The following RELN variants were observed in gnomAD, a reference collection of about 807,000 sequenced individuals.
The protein encoded by RELN is reelin.
A neutral mutation model predicts 427.6 loss-of-function variants in RELN; 108 were observed. The ratio of observed to expected loss-of-function variants is 0.25; its 90% CI spans 0.22 to 0.30. The LOEUF (loss-of-function observed/expected upper bound fraction) is 0.30, where lower values mean the gene tolerates loss of function less well. RELN is among the 10% of genes least tolerant of loss of function. The probability of loss-of-function intolerance (pLI) is 1.00; values close to 1 mark genes in which losing one functional copy is unlikely to be tolerated. For missense variants in RELN, 3,715 were observed against 4,302.8 expected (o/e 0.86, Z 3.82); for synonymous variants, 1,524 against 1,513.4 (o/e 1.01, Z -0.16).
At chr7:103,782,317 G>A (rs3819489) in intron 3 of RELN, among the ~76,000 whole-genome samples, 27,122 of 152,056 alleles carry the variant, frequency 0.18, 2,543 homozygotes, top group East Asian at 0.31. Context: ...CTGCGGCACA[G>A]GGCTGAGGTA....
At chr7:103,596,404 A>G (rs1234049540) in intron 25 of RELN, 52 bp downstream of exon 25, 16 of 1,470,170 alleles carry the variant, frequency 1.1e-5, no homozygotes, top group Non-Finnish European at 1.5e-5. Flanking sequence ...ACAATGATTT[A>G]ACCTTTACCA....
chr7:103,846,272 T>A (rs112588752), intron 2 of RELN, among the ~76,000 whole-genome samples: 21,393 of 152,058 alleles, frequency 0.14, 1,705 homozygotes, highest in East Asian at 0.29. Context: ...TCAGAAATAA[T>A]GCCACACATC....
chr7:103,726,148 T>C (rs895233799), intron 7 of RELN, among the ~76,000 whole-genome samples: 3 of 152,230 alleles, frequency 2.0e-5, no homozygotes, highest in Non-Finnish European at 4.4e-5. Context: ...ATATTGAATA[T>C]AATGTTAACT....
rs1796363940 is a variant in RELN, at chr7:103,953,006, C to T, written c.227-35821G>A. 6.6e-6 allele frequency among the ~76,000 whole-genome samples: 1 copy of T among 152,164 alleles called. No homozygotes were observed. The highest frequency in any genetic ancestry group is 1.5e-5 in the Non-Finnish European group (1 of 68,040). ...TAGATGCTATACTCCTCTATAATCT[C>T]ATAGCCACTACTGCATTCACCTCCC... is the stretch of plus-strand genomic sequence containing the variant. On this transcript the variant is annotated intron_variant, in intron 1 of 64. Coordinates refer to ENST00000428762, the MANE Select transcript of RELN (RefSeq NM_005045.4). The surrounding 1 kb of genome is among the most constrained non-coding windows in gnomAD (Gnocchi z 4.3).
chr7:103,667,308 G>A (rs537028034), intron 11 of RELN, among the ~76,000 whole-genome samples: 58 of 152,256 alleles, frequency 3.8e-4, no homozygotes, highest in Middle Eastern at 3.4e-3. Flanking sequence ...ATTAAAGGAC[G>A]ATGTCATCTT....
At chr7:103,973,760 A>C (rs538934652) in intron 1 of RELN, among the ~76,000 whole-genome samples, 138 of 152,330 alleles carry the variant, frequency 9.1e-4, no homozygotes, top group African/African-American at 3.1e-3. Flanking sequence ...TAAGATTAAA[A>C]AGATCATAAT....
intron 52 of RELN, among the ~76,000 whole-genome samples, chr7:103,502,709 G>A (rs1381212153): frequency 6.6e-6 from 1 of 152,168 alleles, no homozygotes; most frequent in African/African-American, 2.4e-5. Context: ...TGAGAAGGTA[G>A]GGTACACCTT....
intron 11 of RELN, among the ~76,000 whole-genome samples, chr7:103,675,192 C>G (rs1445903184): frequency 6.6e-6 from 1 of 152,324 alleles, no homozygotes; most frequent in South Asian, 2.1e-4. Context: ...AGCAAAGACT[C>G]AGCATACAAA....
chr7:103,871,442 A>C (rs1794331463), intron 2 of RELN, among the ~76,000 whole-genome samples: 1 of 152,112 alleles, frequency 6.6e-6, no homozygotes, highest in Non-Finnish European at 1.5e-5. Context: ...CATGTAGATC[A>C]CAAAATCTTT....
At position 103,906,298 on chromosome 7, in the gene RELN, C is replaced by A. The variant is rs187877948; in HGVS notation, c.337+10777G>T. On this transcript the variant is annotated intron_variant, in intron 2 of 64. Coordinates refer to ENST00000428762, the MANE Select transcript of RELN (RefSeq NM_005045.4). ...CTCCCTAAGCAAGCATAACCTCCCGCAAGTTACTTATGCTCTTTTTGCCTT... is the reference window on the plus strand; with the variant it reads ...CTCCCTAAGCAAGCATAACCTCCCGAAAGTTACTTATGCTCTTTTTGCCTT... 6.5e-4 allele frequency among the ~76,000 whole-genome samples: 99 copies of A among 152,242 alleles called. 2 individuals are homozygous for A. The East Asian group carries it at 9.8e-3, about 15-fold the overall frequency.
At chr7:103,972,263 A>G (rs1041041491) in intron 1 of RELN, among the ~76,000 whole-genome samples, 1 of 152,188 alleles carries the variant, frequency 6.6e-6, no homozygotes, top group East Asian at 1.9e-4. Context: ...TGAGTGAGAA[A>G]AGCTGACTGT....
chr7:103,601,426 C>A (rs1243579031), intron 24 of RELN, among the ~76,000 whole-genome samples: 8 of 152,292 alleles, frequency 5.3e-5, no homozygotes, highest in Non-Finnish European at 1.2e-4. Context: ...TGCATTAAAA[C>A]AAAACCTGCA....
Position 103,728,183 on chromosome 7 carries a change from A to G in RELN, c.681T>C (p.Thr227=), listed in dbSNP as rs781154657. The change falls in exon 7 of 65, where the codon ACT becomes ACC. Residue 227 remains threonine, a synonymous_variant. Transcript: ENST00000428762. ...GCATAATCGCGCCACACTGTTCTCC[A>G]GTCTCACAGTTGTTACATTCAACCC... is the stretch of plus-strand genomic sequence containing the variant. ...NIWVECNNCE[T]GEQCGAIMHG... 2 of 1,613,850 alleles carry G rather than the reference A, an allele frequency of 1.2e-6. No individual in the cohort carries two copies. The highest frequency in any genetic ancestry group is 1.7e-6 in the Non-Finnish European group (2 of 1,179,870).
chr7:103,735,182 T>G (rs996130854), intron 6 of RELN, among the ~76,000 whole-genome samples: 2 of 152,154 alleles, frequency 1.3e-5, no homozygotes, highest in African/African-American at 4.8e-5. Context: ...GAACCAGTGT[T>G]TTGTCTTCCA....
intron 11 of RELN, among the ~76,000 whole-genome samples, chr7:103,676,546 A>G (rs1004391948): frequency 1.3e-5 from 2 of 152,210 alleles, no homozygotes; most frequent in East Asian, 1.9e-4. Context: ...CTGGGTATAT[A>G]CCCAAAGGAT....
At chr7:103,711,656 C>CA (rs1789804854) in intron 8 of RELN, among the ~76,000 whole-genome samples, 1 of 152,008 alleles carries the variant, frequency 6.6e-6, no homozygotes, top group African/African-American at 2.4e-5. Context: ...TTTACACACA[C>CA]AAAAAAGCTA....
intron 1 of RELN, among the ~76,000 whole-genome samples, chr7:103,958,740 G>T (rs1240596511): frequency 6.6e-6 from 1 of 151,936 alleles, no homozygotes; most frequent in African/African-American, 2.4e-5. Flanking sequence ...TGAGATTAAA[G>T]TATTTTAGCT....
At chr7:103,855,038 T>C (rs908206917) in intron 2 of RELN, among the ~76,000 whole-genome samples, 2 of 152,242 alleles carry the variant, frequency 1.3e-5, no homozygotes, top group Non-Finnish European at 2.9e-5. Context: ...ATCAAATGAA[T>C]GTATCAAATG....
rs1165686675 is a variant in RELN at position 103,535,398 on chromosome 7, G to A, written c.7267C>T (p.Arg2423Cys). The change falls in exon 46 of 65, where the codon CGC becomes TGC. Residue 2423 changes from arginine to cysteine, a missense_variant. Physicochemically the swap from Arg to Cys is radical, Grantham distance 180. This residue lies in a region of RELN where 1,310 missense variants were observed against 1,643.0 expected (regional missense o/e 0.80). Coordinates refer to ENST00000428762, the MANE Select transcript of RELN (RefSeq NM_005045.4). ...ACCAGGATCCGTTGCAGATGATAGC[G>A]ACTGCATTCCACATTGGTAGGCAGA... is the stretch of plus-strand genomic sequence containing the variant. ...DCLPTNVECS[R>C]YHLQRILVSD... The A allele has an allele frequency of 6.2e-6, 10 of 1,613,674 alleles. No homozygotes were observed. Among genetic ancestry groups the A allele is most frequent in the Admixed American group, 3.3e-5 (2 of 59,982 alleles).
Sources: allele counts gnomAD v4.1 joint callset (sites outside exome capture counted in the v4.1 genomes callset), GRCh38; gene constraint gnomAD v4.1.1; regional missense constraint gnomAD v4.1.1; non-coding constraint Gnocchi (gnomAD v3.1); transcripts MANE v1.5; gene names NCBI Gene and HGNC (gene_info 2026-07-23, HGNC 2026-07-21).